KRT10: variants seen among roughly 807,000 people sequenced by gnomAD.
The protein encoded by KRT10 is keratin 10.
A neutral mutation model predicts 59.2 loss-of-function variants in KRT10; 40 were observed. The observed-to-expected ratio is 0.68, with a 90% confidence interval of 0.52 to 0.88. The LOEUF (loss-of-function observed/expected upper bound fraction) is 0.88, where lower values mean the gene tolerates loss of function less well. Among genes scored for constraint, KRT10 ranks in the 40% least tolerant of loss-of-function variants. The pLI is 0.00. For synonymous variants in KRT10, 336 were observed against 310.7 expected (o/e 1.08, Z -0.86); for missense variants, 719 against 749.1 (o/e 0.96, Z 0.47).
chr17:40,822,494 A>G lies in KRT10; in HGVS notation c.92T>C (p.Val31Ala). ...GCTGCTAGAAATTCTTAGGGATGAC[A>G]CTCCTCCTCCTCCTCCACATCCTCC... is the stretch of plus-strand genomic sequence containing the variant. ...GGGGCGGGGG[V>A]SSLRISSSKG... Residue 31 changes from valine to alanine, a missense_variant, in exon 1 of 8, where the codon GTG (valine) becomes GCG (alanine). Coordinates refer to ENST00000269576, the MANE Select transcript of KRT10 (RefSeq NM_000421.5). 6.2e-7 allele frequency: 1 copy of G among 1,605,728 alleles called. No individual in the cohort carries two copies.
Position 40,822,012 on chromosome 17 carries a change from C to A in KRT10, c.574G>T (p.Glu192Ter). ...YEKHGNSHQG[E>*]PRDYSKYYKT... Reference sequence around the variant, plus strand: ...TAGTATTTGCTGTAGTCACGAGGCTCCCCCTGATGTGAGTTGCCATGCTTT... The same window carrying A: ...TAGTATTTGCTGTAGTCACGAGGCTACCCCTGATGTGAGTTGCCATGCTTT... The change falls in exon 1 of 8, where the codon GAG (glutamate) becomes TAG (stop). Residue 192 changes from glutamate (E) to a stop codon, truncating the protein, a stop_gained. Transcript: ENST00000269576. LOFTEE classifies it high-confidence loss of function. 6.2e-7 allele frequency: 1 copy of A among 1,614,068 alleles called. No homozygotes were observed. The highest frequency in any genetic ancestry group is 8.5e-7 in the Non-Finnish European group (1 of 1,179,992).
Position 40,818,493 on chromosome 17 carries a change from G to C in KRT10, c.1749-11C>G. 1.9e-6 allele frequency: 3 copies of C among 1,568,206 alleles called. No homozygotes were observed. The highest frequency in any genetic ancestry group is 2.6e-6 in the Non-Finnish European group (3 of 1,138,602). Reference sequence around the variant, plus strand: ...TGGTTTTGTTAGTATCTGTGTGAATGATGGAAAAAAAATTTTAAACAGTCT... The same window carrying C: ...TGGTTTTGTTAGTATCTGTGTGAATCATGGAAAAAAAATTTTAAACAGTCT... On this transcript the variant is annotated splice_polypyrimidine_tract_variant and intron_variant, in intron 7 of 7. Coordinates refer to ENST00000269576, the MANE Select transcript of KRT10 (RefSeq NM_000421.5).
intron 5 of KRT10, 83 bp from the exon 6 acceptor site, chr17:40,819,817 T>TA (rs1905264550): frequency 2.4e-6 from 3 of 1,250,642 alleles, no homozygotes; most frequent in Non-Finnish European, 3.5e-6. Flanking sequence ...AGTAAGGCAT[T>TA]ATATAGAAGA....
intron 7 of KRT10, 130 bp downstream of exon 7, chr17:40,818,657 G>T: frequency 6.8e-7 from 1 of 1,470,104 alleles, no homozygotes; most frequent in Non-Finnish European, 9.3e-7. Flanking sequence ...AGAGTAGTTT[G>T]TGAACAAATG....
At position 40,822,396 on chromosome 17, in the gene KRT10, C is replaced by T. The variant is rs755259243; in HGVS notation, c.190G>A (p.Gly64Arg). Residue 64 changes from glycine to arginine, a missense_variant, in exon 1 of 8, where the codon GGG becomes AGG. Physicochemically the swap from Gly to Arg is moderately radical, Grantham distance 125. This residue lies in a region of KRT10 where 176 missense variants were observed against 175.7 expected (regional missense o/e 1.00). Coordinates refer to ENST00000269576, the MANE Select transcript of KRT10 (RefSeq NM_000421.5). ...GGSFSRGSSG[G>R]GCFGGSSGGY... ...CCTGATGAGCCCCCAAAGCAGCCCC[C>T]ACCAGAGCTCCCACGGCTAAAAGAG... 6 of 1,612,654 alleles carry T rather than the reference C, an allele frequency of 3.7e-6. No individual in the cohort carries two copies. The Admixed American group carries it at 1.0e-4, about 27-fold the overall frequency.
Position 40,818,345 on chromosome 17 carries a change from G to T in KRT10, c.*131C>A. 8.0e-7 allele frequency: 1 copy of T among 1,249,000 alleles called. No individual in the cohort carries two copies. The highest frequency in any genetic ancestry group is 1.2e-6 in the Non-Finnish European group (1 of 865,360). The allele number at this position is 1,249,000 out of a possible 1,614,324, so 77.4% of individuals were successfully genotyped here. A position where few individuals can be genotyped will look rare whatever the true frequency, so the allele number is the denominator to read the frequency against. Reference sequence around the variant, plus strand: ...CATGCATCTGTAAATAATGGTCTGTGTGAAGGGAGACTCTTTCCTCTTGAT... The same window carrying T: ...CATGCATCTGTAAATAATGGTCTGTTTGAAGGGAGACTCTTTCCTCTTGAT... On this transcript the variant is annotated 3_prime_UTR_variant, in exon 8 of 8. Coordinates refer to ENST00000269576, the MANE Select transcript of KRT10 (RefSeq NM_000421.5).
At position 40,822,247 on chromosome 17, in the gene KRT10, A is replaced by G. The variant is rs144138576; in HGVS notation, c.339T>C (p.Gly113=). The change falls in exon 1 of 8, where the codon GGT becomes GGC. Residue 113 remains glycine (G), a synonymous_variant. Coordinates refer to ENST00000269576, the MANE Select transcript of KRT10 (RefSeq NM_000421.5). ...AGCCGCCTCCACCAAAGCTGCCCCCACCAAAGCTGCCACCTCCGAAACTGC... is the reference window on the plus strand; with the variant it reads ...AGCCGCCTCCACCAAAGCTGCCCCCGCCAAAGCTGCCACCTCCGAAACTGC... ...GGGSFGGGSF[G]GGSFGGGGFG... is the part of the protein sequence containing the mutation. 5.0e-6 allele frequency: 8 copies of G among 1,602,654 alleles called. No individual in the cohort carries two copies. The African/African-American group carries it at 1.1e-4, about 22-fold the overall frequency.
chr17:40,822,531 C>G lies in KRT10; in HGVS notation c.55G>C (p.Gly19Arg), dbSNP rs1905491501. 1 of 1,609,290 alleles carries G rather than the reference C, an allele frequency of 6.2e-7. No homozygotes were observed. Residue 19 changes from glycine (G) to arginine (R), a missense_variant, in exon 1 of 8, where the codon GGA becomes CGA. Physicochemically the swap from Gly to Arg is moderately radical, Grantham distance 125. This residue lies in a region of KRT10 where 176 missense variants were observed against 175.7 expected (regional missense o/e 1.00). Transcript: ENST00000269576. ...KHYSSSRSGG[G>R]GGGGGCGGGG... Reference sequence around the variant, plus strand: ...CCTCCACATCCTCCTCCTCCTCCTCCTCCTCCACTGCGGGAGGAAGAGTAG... The same window carrying G: ...CCTCCACATCCTCCTCCTCCTCCTCGTCCTCCACTGCGGGAGGAAGAGTAG...
Position 40,819,063 on chromosome 17 carries a change from T to A in KRT10, c.1472A>T (p.His491Leu), listed in dbSNP as rs747094685. 5.6e-6 allele frequency: 4 copies of A among 711,974 alleles called. No individual in the cohort carries two copies. The African/African-American group carries it at 6.7e-5, about 12-fold the overall frequency. 44.1% of individuals were successfully genotyped at this position (711,974 alleles called of 1,614,324 possible). A position where few individuals can be genotyped will look rare whatever the true frequency, so the allele number is the denominator to read the frequency against. The change falls in exon 7 of 8, where the codon CAC (histidine) becomes CTC (leucine). Residue 491 changes from histidine (H) to leucine (L), a missense_variant. Transcript: ENST00000269576. ...GSSGGGHGGG[H>L]GGSSGGGYGG... ...GTAGCCGCCGCCGGAACTGCCGCCGTGGCCGCCGCCGTGGCCGCCGCCGGA... is the reference window on the plus strand; with the variant it reads ...GTAGCCGCCGCCGGAACTGCCGCCGAGGCCGCCGCCGTGGCCGCCGCCGGA...
rs554064245 is a variant in KRT10, at chr17:40,819,093, C to T, written c.1442G>A (p.Gly481Glu). The T allele has an allele frequency of 1.6e-5, 23 of 1,453,542 alleles. No individual in the cohort carries two copies. In the South Asian group the frequency reaches 2.7e-4, roughly 17 times the overall value. 90.0% of individuals were successfully genotyped at this position (1,453,542 alleles called of 1,614,324 possible). ...GCCGCCGTGGCCGCCGCCGGAGCTT[C>T]CGCCGCCGGAGCTTCCGCCGCCGTA... ...GGYGGGSSGG[G>E]SSGGGHGGGH... Residue 481 changes from glycine (G) to glutamate (E), a missense_variant, in exon 7 of 8, where the codon GGA becomes GAA. Around this residue, in one of 4 missense-constraint regions of KRT10, gnomAD observed 315 missense variants for 270.6 expected, o/e 1.16. Coordinates refer to ENST00000269576, the MANE Select transcript of KRT10 (RefSeq NM_000421.5).
At chr17:40,818,520 T>C (rs773482263) in intron 7 of KRT10, 38 bp from the exon 8 acceptor site, 25 of 1,346,114 alleles carry the variant, frequency 1.9e-5, no homozygotes, top group Non-Finnish European at 2.5e-5. Flanking sequence ...AAACAGTCTG[T>C]AGGGATCCTT....
Position 40,820,312 on chromosome 17 carries a change from G to A in KRT10, c.979C>T (p.Gln327Ter). 1 of 1,614,196 alleles carries A rather than the reference G, an allele frequency of 6.2e-7. No homozygotes were observed. Among genetic ancestry groups the A allele is most frequent in the East Asian group, 2.2e-5 (1 of 44,886 alleles). ...TCTTTGCGGTTTTGTTCAGCAAGTT[G>A]TTCATATTGGCTTCTCATGTTATTC... ...LLNNMRSQYE[Q>*]LAEQNRKDAE... is the part of the protein sequence containing the mutation. Residue 327 changes from glutamine (Q) to a stop codon, truncating the protein, a stop_gained, in exon 4 of 8, where the codon CAA becomes TAA. Coordinates refer to ENST00000269576, the MANE Select transcript of KRT10 (RefSeq NM_000421.5). LOFTEE classifies it high-confidence loss of function.
At position 40,822,406 on chromosome 17, in the gene KRT10, C is replaced by T. The variant is rs772769268; in HGVS notation, c.180G>A (p.Gly60=). 1 of 1,613,278 alleles carries T rather than the reference C, an allele frequency of 6.2e-7. No homozygotes were observed. The highest frequency in any genetic ancestry group is 8.5e-7 in the Non-Finnish European group (1 of 1,179,488). The change falls in exon 1 of 8, where the codon GGG becomes GGA. Residue 60 remains glycine, a synonymous_variant. Coordinates refer to ENST00000269576, the MANE Select transcript of KRT10 (RefSeq NM_000421.5). ...CCCCAAAGCAGCCCCCACCAGAGCT[C>T]CCACGGCTAAAAGAGCCACCACTGA... ...GGFSGGSFSR[G]SSGGGCFGGS...
At position 40,818,364 on chromosome 17, in the gene KRT10, T is replaced by C; in HGVS notation, c.*112A>G. On this transcript the variant is annotated 3_prime_UTR_variant, in exon 8 of 8. Transcript: ENST00000269576. ...GTCTGTGTGAAGGGAGACTCTTTCC[T>C]CTTGATGCAGTTTAATAGTAGTGTT... is the stretch of plus-strand genomic sequence containing the variant. 6.8e-7 allele frequency: 1 copy of C among 1,476,864 alleles called. No homozygotes were observed. 91.5% of individuals were successfully genotyped at this position (1,476,864 alleles called of 1,614,324 possible). A position where few individuals can be genotyped will look rare whatever the true frequency, so the allele number is the denominator to read the frequency against.
chr17:40,818,841 C>T lies in KRT10; in HGVS notation c.1694G>A (p.Gly565Asp). ...GGYGGGSSSGGHKSSSSGSVG... is the reference protein window; with the variant it reads ...GGYGGGSSSGDHKSSSSGSVG... The stretch of plus-strand genomic sequence containing the variant: ...GGACCCGGAAGAGGAGGACTTGTGG[C>T]CTCCGCTGGAGCTGCCGCCGCCGTA... Residue 565 changes from glycine to aspartate, a missense_variant, in exon 7 of 8, where the codon GGC becomes GAC. Physicochemically the swap from Gly to Asp is moderately conservative, Grantham distance 94. This residue lies in a region of KRT10 where 315 missense variants were observed against 270.6 expected (regional missense o/e 1.16). Coordinates refer to ENST00000269576, the MANE Select transcript of KRT10 (RefSeq NM_000421.5). 3.1e-6 allele frequency: 5 copies of T among 1,592,628 alleles called. No homozygotes were observed. Among genetic ancestry groups the T allele is most frequent in the Non-Finnish European group, 3.4e-6 (4 of 1,176,974 alleles).
At position 40,819,180 on chromosome 17, in the gene KRT10, C is replaced by T; in HGVS notation, c.1374-19G>A. On this transcript the variant is annotated intron_variant, in intron 6 of 7. Transcript: ENST00000269576. ...TCCGGAACTAAACGGGGTGAGGTCA[C>T]ATTCGGTTATCTCTAACGTTGGAAA... 1 of 1,594,328 alleles carries T rather than the reference C, an allele frequency of 6.3e-7. No homozygotes were observed. Among genetic ancestry groups the T allele is most frequent in the Non-Finnish European group, 8.5e-7 (1 of 1,178,304 alleles).
Position 40,820,095 on chromosome 17 carries a change from C to T in KRT10, c.1109G>A (p.Arg370His), listed in dbSNP as rs777754147. Residue 370 changes from arginine (R) to histidine (H), a missense_variant, in exon 5 of 8, where the codon CGT becomes CAT. This residue lies in a region of KRT10 where 221 missense variants were observed against 277.8 expected (regional missense o/e 0.80). Transcript: ENST00000269576. ...SYKSEITELRRNVQALEIELQ... is the reference protein window; with the variant it reads ...SYKSEITELRHNVQALEIELQ... ...TTCTATCTCCAGAGCTTGTACATTA[C>T]GTCTCAATTCAGTAATCTCAGATTT... is the stretch of plus-strand genomic sequence containing the variant. The T allele has an allele frequency of 1.2e-5, 19 of 1,613,296 alleles. No homozygotes were observed. The highest frequency in any genetic ancestry group is 1.4e-5 in the Non-Finnish European group (16 of 1,179,776).
At chr17:40,820,957 T>C (rs931601635) in intron 2 of KRT10, 78 bp downstream of exon 2, 3 of 1,142,834 alleles carry the variant, frequency 2.6e-6, no homozygotes, top group Non-Finnish European at 4.0e-6. Context: ...TAAATGTTAT[T>C]GAGGGCATCC....
At chr17:40,821,657 A>G (rs568073257) in intron 1 of KRT10, among the ~76,000 whole-genome samples, 2 of 151,048 alleles carry the variant, frequency 1.3e-5, no homozygotes, top group African/African-American at 4.9e-5. Context: ...TTTTTTTTTC[A>G]GTTTCTACAT....
Sources: gnomAD v4.1 joint callset for allele counts (sites outside exome capture counted in the v4.1 genomes callset) on GRCh38, gnomAD v4.1.1 for gene constraint, gnomAD v4.1.1 regional missense constraint, MANE v1.5 for transcripts, NCBI Gene and HGNC (gene_info 2026-07-23, HGNC 2026-07-21) for gene names.